Variants in NKAIN2 observed in about 807,000 individuals in gnomAD.
The protein encoded by NKAIN2 is sodium/potassium transporting ATPase interacting 2.
Under a neutral mutation model 32.6 loss-of-function variants are expected in NKAIN2, and 14 were observed. That is an observed-to-expected ratio of 0.43 (90% CI 0.28 to 0.67). NKAIN2 has a LOEUF of 0.67. Ranked by LOEUF, NKAIN2 falls within the 30% of genes least tolerant of loss-of-function variation. NKAIN2 has a pLI of 0.17. For synonymous variants in NKAIN2, 80 were observed against 87.2 expected, an observed-to-expected ratio of 0.92 and a Z score of 0.46; for missense variants, 198 against 258.3, an observed-to-expected ratio of 0.77 and a Z score of 1.60.
At chr6:124,772,849 A>C (rs1778822393) in intron 4 of NKAIN2, among the ~76,000 whole-genome samples, 1 of 152,182 alleles carries the variant, frequency 6.6e-6, no homozygotes, top group African/African-American at 2.4e-5. Flanking sequence ...AAGGTTGAAA[A>C]ATCATCTATC....
intron 1 of NKAIN2, among the ~76,000 whole-genome samples, chr6:124,072,216 A>G (rs1027781363): frequency 4.6e-5 from 7 of 152,122 alleles, no homozygotes; most frequent in Non-Finnish European, 8.8e-5. Flanking sequence ...AAAACAAATT[A>G]ACATAGGAAC....
intron 3 of NKAIN2, among the ~76,000 whole-genome samples, chr6:124,488,845 A>T (rs648527): frequency 0.16 from 24,416 of 151,858 alleles, 2,315 homozygotes; most frequent in East Asian, 0.35. Flanking sequence ...GGATTATTTT[A>T]TTGAGTATGT....
intron 3 of NKAIN2, among the ~76,000 whole-genome samples, chr6:124,427,793 G>A (rs549312419): frequency 2.0e-5 from 3 of 152,182 alleles, no homozygotes; most frequent in South Asian, 4.1e-4. Flanking sequence ...TTTCCCTGAT[G>A]TGATGGAAGT....
At chr6:124,019,437 C>T (rs1281170983) in intron 1 of NKAIN2, among the ~76,000 whole-genome samples, 5 of 152,038 alleles carry the variant, frequency 3.3e-5, no homozygotes, top group African/African-American at 1.2e-4. Context: ...TTTGTTTTGG[C>T]ATGTGAATCA....
At chr6:124,469,097 T>C (rs532693430) in intron 3 of NKAIN2, among the ~76,000 whole-genome samples, 3 of 152,318 alleles carry the variant, frequency 2.0e-5, no homozygotes, top group African/African-American at 4.8e-5. Context: ...GCCCCTGGAA[T>C]TGCTCGTTGC....
chr6:123,928,486 G>T lies in NKAIN2; in HGVS notation c.54+124232G>T, dbSNP rs569542506. ...GATAATGATGTAGACACTGGATTGC[G>T]TCTTTTACATTTATTTGGTTATTTA... is the stretch of plus-strand genomic sequence containing the variant. On this transcript the variant is annotated intron_variant, in intron 1 of 6. Coordinates refer to ENST00000368417, the MANE Select transcript of NKAIN2 (RefSeq NM_001040214.3). 7.9e-5 allele frequency among the ~76,000 whole-genome samples: 12 copies of T among 152,236 alleles called. No individual in the cohort carries two copies. In the South Asian group the frequency reaches 2.5e-3, roughly 32 times the overall value.
chr6:123,832,818 G>A (rs1163787433), intron 1 of NKAIN2, among the ~76,000 whole-genome samples: 1 of 152,074 alleles, frequency 6.6e-6, no homozygotes, highest in African/African-American at 2.4e-5. Flanking sequence ...TTTAAATTAT[G>A]TTGTTTGTTT....
At chr6:124,426,807 C>A (rs1775000787) in intron 3 of NKAIN2, among the ~76,000 whole-genome samples, 1 of 152,112 alleles carries the variant, frequency 6.6e-6, no homozygotes, top group African/African-American at 2.4e-5. Flanking sequence ...CTTTCCCATG[C>A]CATTCTCATG....
intron 3 of NKAIN2, among the ~76,000 whole-genome samples, chr6:124,539,207 G>C (rs937495368): frequency 3.0e-5 from 1 of 33,650 alleles, no homozygotes; most frequent in Non-Finnish European, 1.5e-3. Flanking sequence ...AGAGTTTAGA[G>C]GTTATATGTA....
chr6:124,445,557 T>G (rs1775854264), intron 3 of NKAIN2, among the ~76,000 whole-genome samples: 1 of 152,014 alleles, frequency 6.6e-6, no homozygotes, highest in South Asian at 2.1e-4. Flanking sequence ...TGTGATCAAT[T>G]TTTTTTCCTC....
chr6:124,748,066 A>G (rs1317861471), intron 4 of NKAIN2, among the ~76,000 whole-genome samples: 1 of 151,966 alleles, frequency 6.6e-6, no homozygotes, highest in Non-Finnish European at 1.5e-5. Flanking sequence ...TGGTTATTAT[A>G]TTCAACAGTC....
At chr6:124,355,241 G>A (rs748485742) in intron 2 of NKAIN2, 26 bp from the exon 3 acceptor site, 49 of 1,460,852 alleles carry the variant, frequency 3.4e-5, no homozygotes, top group Middle Eastern at 1.7e-4. Flanking sequence ...TTAATTATAC[G>A]TTATTTCTCT....
chr6:124,407,668 G>A (rs1773929850), intron 3 of NKAIN2, among the ~76,000 whole-genome samples: 1 of 151,946 alleles, frequency 6.6e-6, no homozygotes, highest in African/African-American at 2.4e-5. Flanking sequence ...GTGTGCATGT[G>A]TCTTTATAGC....
chr6:124,073,039 T>C (rs2114885030), intron 1 of NKAIN2, among the ~76,000 whole-genome samples: 1 of 152,304 alleles, frequency 6.6e-6, no homozygotes, highest in Middle Eastern at 3.4e-3. Context: ...GGTAGATGAT[T>C]TAGTCCTGTT....
intron 3 of NKAIN2, among the ~76,000 whole-genome samples, chr6:124,528,437 T>G (rs1779400518): frequency 6.6e-6 from 1 of 152,234 alleles, no homozygotes; most frequent in Admixed American, 6.5e-5. Context: ...TTTGACAGCT[T>G]GCAGAAATGT....
intron 1 of NKAIN2, among the ~76,000 whole-genome samples, chr6:123,931,289 T>G (rs1449979033): frequency 6.6e-6 from 1 of 152,198 alleles, no homozygotes; most frequent in African/African-American, 2.4e-5. Context: ...TATCAGTATT[T>G]AATTCTTGGT....
At chr6:124,400,059 T>A (rs1165675742) in intron 3 of NKAIN2, among the ~76,000 whole-genome samples, 2 of 152,164 alleles carry the variant, frequency 1.3e-5, no homozygotes, top group Admixed American at 6.5e-5. Context: ...ATATTTTTCT[T>A]CCTAATTGAC....
In NKAIN2 at chr6:124,055,414, T is replaced by C. The variant is rs777323846; in HGVS notation, c.55-227591T>C. ...ACTGAAAAACTGTTACTCTTAAAGA[T>C]TGAAATTAAAAATGGTAAGGTGATT... On this transcript the variant is annotated intron_variant, in intron 1 of 6. Coordinates refer to ENST00000368417, the MANE Select transcript of NKAIN2 (RefSeq NM_001040214.3). Among the ~76,000 whole-genome samples, 348 of 152,140 alleles carry C rather than the reference T, an allele frequency of 2.3e-3. 2 individuals are homozygous for C. Among genetic ancestry groups the C allele is most frequent in the Middle Eastern group, 3.4e-3 (1 of 294 alleles).
chr6:124,116,294 TAAAGTAG>T (rs1288726785), intron 1 of NKAIN2, among the ~76,000 whole-genome samples: 1 of 152,142 alleles, frequency 6.6e-6, no homozygotes, highest in African/African-American at 2.4e-5. Flanking sequence ...GGCTGTGTTG[TAAAGTAG>T]TTCACACACT....
Sources: allele counts gnomAD v4.1 joint callset (sites outside exome capture counted in the v4.1 genomes callset), GRCh38; gene constraint gnomAD v4.1.1; transcripts MANE v1.5; gene names NCBI Gene and HGNC (gene_info 2026-07-23, HGNC 2026-07-21).